Variants in SLC6A11 observed in about 807,000 individuals in gnomAD.
SLC6A11 encodes sodium- and chloride-dependent GABA transporter 3.
In SLC6A11, 25 loss-of-function variants were observed where a neutral mutation model predicts 74.8. The observed-to-expected ratio is 0.33, with a 90% CI of 0.24 to 0.47. The LOEUF is 0.47. Among genes scored for constraint, SLC6A11 ranks in the 20% least tolerant of loss-of-function variants. The pLI, the probability that SLC6A11 is intolerant of heterozygous loss-of-function variation, is 1.00. For synonymous variants in SLC6A11, 330 were observed against 330.2 expected (o/e 1.00, Z 0.01); for missense variants, 574 against 837.0 (o/e 0.69, Z 3.88).
At chr3:10,873,971 TGCTACGCTACGCTAC>T (rs762939574) in intron 5 of SLC6A11, among the ~76,000 whole-genome samples, 2 of 130,444 alleles carry the variant, frequency 1.5e-5, no homozygotes, top group African/African-American at 7.1e-5. Flanking sequence ...CGCTATGCTA[TGCTACGCTACGCTAC>T]GCTACGCTAT....
intron 7 of SLC6A11, among the ~76,000 whole-genome samples, chr3:10,914,834 T>G (rs1575701135): frequency 1.3e-5 from 2 of 152,254 alleles, no homozygotes; most frequent in East Asian, 3.9e-4. Flanking sequence ...ACACTGTCTG[T>G]GTACAGTATC....
chr3:10,874,872 C>A, intron 5 of SLC6A11, 89 bp from the exon 6 acceptor site: 2 of 1,335,932 alleles, frequency 1.5e-6, no homozygotes, highest in Non-Finnish European at 2.0e-6. Context: ...GGTCCTGGTG[C>A]AACATGCACC....
intron 6 of SLC6A11, among the ~76,000 whole-genome samples, chr3:10,903,215 G>A (rs1310229870): frequency 6.6e-6 from 1 of 152,216 alleles, no homozygotes; most frequent in Non-Finnish European, 1.5e-5. Context: ...GCTGGCTTTG[G>A]TGACAAGCAG....
chr3:10,894,254 C>T (rs901267323), intron 6 of SLC6A11, among the ~76,000 whole-genome samples: 4 of 152,168 alleles, frequency 2.6e-5, no homozygotes, highest in South Asian at 2.1e-4. Flanking sequence ...AAGCTGTCAC[C>T]GGTTCCATTC....
chr3:10,818,965 T>C (rs1027988046), intron 1 of SLC6A11, among the ~76,000 whole-genome samples: 5 of 152,176 alleles, frequency 3.3e-5, no homozygotes, highest in African/African-American at 9.6e-5. Context: ...AGGCTTAATA[T>C]TGTTCATTGT....
At chr3:10,877,894 T>C (rs1694928630) in intron 6 of SLC6A11, among the ~76,000 whole-genome samples, 1 of 152,114 alleles carries the variant, frequency 6.6e-6, no homozygotes, top group Non-Finnish European at 1.5e-5. Flanking sequence ...TGGGGTACCC[T>C]CAGGGGCATG....
intron 5 of SLC6A11, among the ~76,000 whole-genome samples, chr3:10,858,480 G>A (rs939753234): frequency 5.9e-5 from 9 of 152,126 alleles, no homozygotes; most frequent in African/African-American, 1.9e-4. Flanking sequence ...GCCATCAAAT[G>A]CATCACCTCC....
chr3:10,886,049 C>T (rs1025949885), intron 6 of SLC6A11, among the ~76,000 whole-genome samples: 1 of 152,216 alleles, frequency 6.6e-6, no homozygotes, highest in Admixed American at 6.5e-5. Context: ...CAGCTCTCTG[C>T]ATGGTGGTCA....
chr3:10,938,125 CCCGGA>C (rs1163528483), intron 13 of SLC6A11, 120 bp from the exon 14 acceptor site: 6 of 876,008 alleles, frequency 6.8e-6, no homozygotes, highest in Non-Finnish European at 1.0e-5. Context: ...CAAGCTGGGG[CCCGGA>C]CCTTGGTCTG....
chr3:10,937,145 G>A (rs919401092), intron 13 of SLC6A11, among the ~76,000 whole-genome samples: 1 of 152,174 alleles, frequency 6.6e-6, no homozygotes, highest in African/African-American at 2.4e-5. Context: ...AAGGTAACAT[G>A]GTGGCCGCTC....
chr3:10,867,773 T>C (rs910116114), intron 5 of SLC6A11, among the ~76,000 whole-genome samples: 12 of 152,200 alleles, frequency 7.9e-5, no homozygotes, highest in African/African-American at 2.7e-4. Flanking sequence ...TCCCTTAAGG[T>C]GAAAGGTATG....
At chr3:10,907,708 CT>C (rs1695323823) in intron 6 of SLC6A11, among the ~76,000 whole-genome samples, 1 of 152,156 alleles carries the variant, frequency 6.6e-6, no homozygotes, top group Admixed American at 6.5e-5. Context: ...CAGAAGGCAA[CT>C]AAGCAATATA....
chr3:10,881,824 G>A (rs990521335), intron 6 of SLC6A11, among the ~76,000 whole-genome samples: 9 of 152,194 alleles, frequency 5.9e-5, no homozygotes, highest in South Asian at 2.1e-4. Flanking sequence ...CCTGTGGCCC[G>A]TCCATGATCC....
chr3:10,898,231 C>T (rs960734810), intron 6 of SLC6A11, among the ~76,000 whole-genome samples: 11 of 152,168 alleles, frequency 7.2e-5, no homozygotes, highest in African/African-American at 2.7e-4. Flanking sequence ...AGACATTTTC[C>T]CTATTGTTTT....
chr3:10,913,108 A>C (rs1695409785), intron 7 of SLC6A11, among the ~76,000 whole-genome samples: 1 of 149,490 alleles, frequency 6.7e-6, no homozygotes, highest in Non-Finnish European at 1.5e-5. Flanking sequence ...TATTTTGGGG[A>C]AATCATCAAA....
At chr3:10,881,706 G>A (rs1383976868) in intron 6 of SLC6A11, among the ~76,000 whole-genome samples, 2 of 152,184 alleles carry the variant, frequency 1.3e-5, no homozygotes, top group African/African-American at 4.8e-5. Context: ...AGGACAAGTG[G>A]GCACGTGCAG....
At chr3:10,825,191 A>AAAATG (rs1694192621) in intron 4 of SLC6A11, 1 of 152,090 alleles carries the variant, frequency 6.6e-6, no homozygotes, top group Non-Finnish European at 1.5e-5. Context: ...AAAAAAAAAA[A>AAAATG]AAAAAATTAA....
chr3:10,854,453 T>C (rs2106591266), intron 5 of SLC6A11, among the ~76,000 whole-genome samples: 1 of 152,302 alleles, frequency 6.6e-6, no homozygotes, highest in Non-Finnish European at 1.5e-5. Context: ...CCACCATACA[T>C]TCTCTCATTG....
intron 4 of SLC6A11, 154 bp downstream of exon 4, chr3:10,823,546 A>G (rs1694165429): frequency 1.6e-6 from 1 of 612,036 alleles, no homozygotes; most frequent in Admixed American, 2.7e-5. Flanking sequence ...CGGAAGCAAG[A>G]GTGCAGATCT....
Sources: allele counts gnomAD v4.1 joint callset (sites outside exome capture counted in the v4.1 genomes callset), GRCh38; gene constraint gnomAD v4.1.1; transcripts MANE v1.5; gene names NCBI Gene and HGNC (gene_info 2026-07-23, HGNC 2026-07-21).